The following RGL1 variants were observed in gnomAD, a reference collection of about 807,000 sequenced individuals.
RGL1 encodes the protein ral guanine nucleotide dissociation stimulator-like 1.
Under a neutral mutation model 95.2 loss-of-function variants are expected in RGL1, and 24 were observed. The observed-to-expected ratio is 0.25, with a 90% CI of 0.18 to 0.35. The LOEUF (loss-of-function observed/expected upper bound fraction) is 0.35, where lower values mean the gene tolerates loss of function less well. RGL1 is among the 10% of genes least tolerant of loss of function. The probability of loss-of-function intolerance (pLI) is 1.00; values close to 1 mark genes in which losing one functional copy is unlikely to be tolerated. For missense variants in RGL1, 715 were observed against 936.3 expected, an observed-to-expected ratio of 0.76 and a Z score of 3.08; for synonymous variants, 329 against 344.9, an observed-to-expected ratio of 0.95 and a Z score of 0.51.
chr1:183,750,030 A>G (rs1657894535), intron 2 of RGL1, among the ~76,000 whole-genome samples: 8 of 152,026 alleles, frequency 5.3e-5, no homozygotes, highest in Admixed American at 5.2e-4. Context: ...TCTGATGATT[A>G]TGTGTCTTGG....
chr1:183,700,014 TGTG>T (rs1558159938), intron 1 of RGL1, among the ~76,000 whole-genome samples: 1 of 152,178 alleles, frequency 6.6e-6, no homozygotes, highest in East Asian at 1.9e-4. Context: ...GTATATCAGA[TGTG>T]GTGTTTTGCC....
At chr1:183,742,064 C>T (rs1346835823) in intron 1 of RGL1, 56 of 1,391,052 alleles carry the variant, frequency 4.0e-5, no homozygotes, top group Admixed American at 5.8e-5. Context: ...TAATTTGCTT[C>T]GATGTCTCTT....
chr1:183,721,549 C>T (rs569061055), intron 1 of RGL1, among the ~76,000 whole-genome samples: 1 of 152,172 alleles, frequency 6.6e-6, no homozygotes, highest in East Asian at 1.9e-4. Context: ...AACGCCTTTC[C>T]CCTTCTGTCC....
intron 1 of RGL1, among the ~76,000 whole-genome samples, chr1:183,738,416 G>A (rs1392503182): frequency 3.3e-5 from 5 of 150,636 alleles, no homozygotes; most frequent in African/African-American, 9.8e-5. Flanking sequence ...GCAAGACTCC[G>A]TCTAAAAAAA....
intron 14 of RGL1, among the ~76,000 whole-genome samples, chr1:183,908,404 T>G (rs993484816): frequency 1.3e-5 from 2 of 152,198 alleles, no homozygotes; most frequent in Non-Finnish European, 2.9e-5. Flanking sequence ...TGAGGCATTG[T>G]GGGTGGGTTG....
chr1:183,898,967 G>A (rs1667862929), intron 10 of RGL1, among the ~76,000 whole-genome samples: 1 of 152,184 alleles, frequency 6.6e-6, no homozygotes, highest in Middle Eastern at 3.2e-3. Context: ...CATGGGGACC[G>A]CTTTTTACTT....
chr1:183,835,773 T>C (rs1017011679), intron 2 of RGL1, among the ~76,000 whole-genome samples: 2 of 152,178 alleles, frequency 1.3e-5, no homozygotes, highest in East Asian at 1.9e-4. Context: ...AAAGTATTTG[T>C]AGAGTGCTGA....
chr1:183,773,084 T>C (rs1659386471), intron 2 of RGL1, among the ~76,000 whole-genome samples: 1 of 149,926 alleles, frequency 6.7e-6, no homozygotes, highest in South Asian at 2.1e-4. Flanking sequence ...AATGCCTTTG[T>C]ACATTATATT....
At chr1:183,725,803 C>T (rs999813378) in intron 1 of RGL1, among the ~76,000 whole-genome samples, 5 of 152,144 alleles carry the variant, frequency 3.3e-5, no homozygotes, top group African/African-American at 1.2e-4. Flanking sequence ...AACTAATCAT[C>T]AACTTGAACT....
At chr1:183,656,749 C>G (rs953086793) in intron 1 of RGL1, among the ~76,000 whole-genome samples, 2 of 152,108 alleles carry the variant, frequency 1.3e-5, no homozygotes, top group Non-Finnish European at 2.9e-5. Context: ...ACATCATACA[C>G]TAATACTTTT....
In RGL1 at chr1:183,765,575, T is replaced by A. The variant is rs373810016; in HGVS notation, c.132+23286T>A. Among the ~76,000 whole-genome samples, 6 of 152,380 alleles carry A rather than the reference T, an allele frequency of 3.9e-5. No homozygotes were observed. The South Asian group carries it at 8.3e-4, about 21-fold the overall frequency. ...TTCAATCCATGCAATCAGCTCTTGTTCTGCTTTATATTAGGTTAGCAGTCT... is the reference window on the plus strand; with the variant it reads ...TTCAATCCATGCAATCAGCTCTTGTACTGCTTTATATTAGGTTAGCAGTCT... On this transcript the variant is annotated intron_variant, in intron 2 of 18. Transcript: ENST00000304685.
chr1:183,666,637 A>C (rs1277881878), intron 1 of RGL1, among the ~76,000 whole-genome samples: 2 of 152,112 alleles, frequency 1.3e-5, no homozygotes, highest in Non-Finnish European at 2.9e-5. Context: ...TACAGGTGTG[A>C]GCCACCACGC....
intron 1 of RGL1, among the ~76,000 whole-genome samples, chr1:183,666,376 C>A (rs1652041184): frequency 6.6e-6 from 1 of 151,850 alleles, no homozygotes; most frequent in Non-Finnish European, 1.5e-5. Context: ...TTGCTGCATC[C>A]CCCAAATTTT....
At chr1:183,741,834 G>GC (rs1383787958) in intron 1 of RGL1, among the ~76,000 whole-genome samples, 4 of 152,324 alleles carry the variant, frequency 2.6e-5, no homozygotes, top group African/African-American at 4.8e-5. Context: ...CCCCCTGAGA[G>GC]CACCAAAGCC....
chr1:183,861,399 A>C (rs1412640621), intron 3 of RGL1, among the ~76,000 whole-genome samples: 1 of 152,250 alleles, frequency 6.6e-6, no homozygotes, highest in East Asian at 1.9e-4. Flanking sequence ...CTTCCCCTTC[A>C]AACACATATA....
intron 4 of RGL1, among the ~76,000 whole-genome samples, chr1:183,877,129 AAGAT>A (rs1279241038): frequency 3.3e-5 from 5 of 152,126 alleles, no homozygotes; most frequent in South Asian, 2.1e-4. Flanking sequence ...GCCAGGATGA[AAGAT>A]AGAGTTTTCT....
chr1:183,926,069 C>A, intron 17 of RGL1, 36 bp from the exon 18 acceptor site: 1 of 1,588,086 alleles, frequency 6.3e-7, no homozygotes, highest in Non-Finnish European at 8.6e-7. Context: ...CTGACCTCCA[C>A]AAGCTGACCA....
intron 2 of RGL1, among the ~76,000 whole-genome samples, chr1:183,777,132 G>C (rs1383805678): frequency 6.6e-6 from 1 of 152,148 alleles, no homozygotes; most frequent in African/African-American, 2.4e-5. Context: ...TATTAGCAGT[G>C]GTTTGTTTAA....
chr1:183,819,255 G>A (rs1435920257), intron 2 of RGL1, among the ~76,000 whole-genome samples: 1 of 152,260 alleles, frequency 6.6e-6, no homozygotes, highest in African/African-American at 2.4e-5. Context: ...CATGAACATA[G>A]TAATGAAGGT....
Sources: allele counts gnomAD v4.1 joint callset (sites outside exome capture counted in the v4.1 genomes callset), GRCh38; gene constraint gnomAD v4.1.1; transcripts MANE v1.5; gene names NCBI Gene and HGNC (gene_info 2026-07-23, HGNC 2026-07-21).